TAS2R1: variants seen among roughly 807,000 people sequenced by gnomAD.
TAS2R1 encodes taste 2 receptor member 1.
For synonymous variants in TAS2R1, 141 were observed against 134.2 expected (o/e 1.05, Z -0.35); for missense variants, 370 against 353.4 (o/e 1.05, Z -0.38).
the TAS2R1 span, among the ~76,000 whole-genome samples, chr5:9,827,255 A>G: frequency 6.6e-6 from 1 of 151,148 alleles, no homozygotes; most frequent in Admixed American, 6.6e-5. Flanking sequence ...TTTCTTACCC[A>G]CCTCCAGGGC....
chr5:9,742,963 C>T, the TAS2R1 span, among the ~76,000 whole-genome samples: 4 of 151,982 alleles, frequency 2.6e-5, no homozygotes, highest in Admixed American at 2.6e-4. Context: ...CAACTTTAAG[C>T]ATGATGAATA....
chr5:9,892,371 C>G, the TAS2R1 span, among the ~76,000 whole-genome samples: 123 of 152,304 alleles, frequency 8.1e-4, no homozygotes, highest in African/African-American at 2.9e-3. Flanking sequence ...ACTCTTGCCC[C>G]CAAAAGTTCC....
At chr5:9,640,497 T>A (rs1023129656) in intron 2 of TAS2R1, among the ~76,000 whole-genome samples, 1 of 59,032 alleles carries the variant, frequency 1.7e-5, no homozygotes, top group Non-Finnish European at 2.9e-5. Flanking sequence ...TTCAATTCCT[T>A]AAAAAAAAAA....
At chr5:9,878,498 A>G in the TAS2R1 span, among the ~76,000 whole-genome samples, 7 of 152,232 alleles carry the variant, frequency 4.6e-5, no homozygotes, top group African/African-American at 1.2e-4. Flanking sequence ...GAAGTGAACC[A>G]CGAACGCTTG....
the TAS2R1 span, among the ~76,000 whole-genome samples, chr5:9,880,440 C>T: frequency 6.6e-6 from 1 of 152,322 alleles, no homozygotes; most frequent in East Asian, 1.9e-4. Context: ...CTAAGATTAA[C>T]AACTGCACTG....
At chr5:9,743,303 C>T in the TAS2R1 span, among the ~76,000 whole-genome samples, 19 of 146,008 alleles carry the variant, frequency 1.3e-4, no homozygotes, top group African/African-American at 4.7e-4. Context: ...TTGAGCAGTG[C>T]TATTCTTTTT....
the TAS2R1 span, among the ~76,000 whole-genome samples, chr5:9,732,537 G>A: frequency 1.3e-5 from 2 of 152,202 alleles, no homozygotes; most frequent in Non-Finnish European, 2.9e-5. Context: ...CAGAGGCATA[G>A]ACAGGAGGCC....
At chr5:9,664,445 C>T (rs888933962) in intron 1 of TAS2R1, among the ~76,000 whole-genome samples, 8 of 152,176 alleles carry the variant, frequency 5.3e-5, no homozygotes, top group Admixed American at 2.0e-4. Context: ...CACAGTCCCT[C>T]CCCTTCCAGG....
upstream of TAS2R1, among the ~76,000 whole-genome samples, chr5:9,633,294 T>TATTATATATATATATATATATATATA (rs1476544403): frequency 1.9e-4 from 13 of 67,812 alleles, no homozygotes; most frequent in African/African-American, 7.8e-4. Flanking sequence ...TGTGTGTATA[T>TATTATATATATATATATATATATATA]TATATATATA....
intron 1 of TAS2R1, among the ~76,000 whole-genome samples, chr5:9,694,862 AATTTTT>A (rs1741326745): frequency 1.3e-5 from 2 of 152,164 alleles, no homozygotes; most frequent in Admixed American, 1.3e-4. Flanking sequence ...CCAGTGTTTT[AATTTTT>A]ATCATTTTAT....
the TAS2R1 span, among the ~76,000 whole-genome samples, chr5:9,825,922 C>T: frequency 1.3e-5 from 2 of 152,150 alleles, no homozygotes; most frequent in South Asian, 4.1e-4. Context: ...AAATAAGTCA[C>T]TGCTCCAAGG....
At chr5:9,899,937 T>A in the TAS2R1 span, among the ~76,000 whole-genome samples, 3 of 152,172 alleles carry the variant, frequency 2.0e-5, no homozygotes, top group Non-Finnish European at 4.4e-5. Context: ...TGTTCCCAGT[T>A]TTTTTCTATT....
In TAS2R1 at chr5:9,677,981, T is replaced by C. The variant is rs1740908101; in HGVS notation, c.-241-18400A>G. Among the ~76,000 whole-genome samples, 3 of 152,126 alleles carry C rather than the reference T, an allele frequency of 2.0e-5. No homozygotes were observed. The South Asian group carries it at 6.2e-4, about 32-fold the overall frequency. On this transcript the variant is annotated intron_variant, in intron 1 of 2. Coordinates refer to the TAS2R1 transcript ENST00000506620. Reference sequence around the variant, plus strand: ...AAATGGGCAGCTGAGGTGGGAAGATTGCTTGAGCCCAGGAGTTCAAAGCTG... The same window carrying C: ...AAATGGGCAGCTGAGGTGGGAAGATCGCTTGAGCCCAGGAGTTCAAAGCTG...
chr5:9,752,893 G>A, the TAS2R1 span, among the ~76,000 whole-genome samples: 1 of 152,108 alleles, frequency 6.6e-6, no homozygotes, highest in African/African-American at 2.4e-5. Flanking sequence ...CTTTTTCATG[G>A]CTGCATAGTA....
intron 2 of TAS2R1, among the ~76,000 whole-genome samples, chr5:9,651,302 G>A (rs1432270983): frequency 3.9e-5 from 6 of 152,150 alleles, no homozygotes; most frequent in Non-Finnish European, 8.8e-5. Context: ...TCTGTGCAGT[G>A]ACTTATGTTT....
chr5:9,725,719 C>T, the TAS2R1 span, among the ~76,000 whole-genome samples: 20 of 141,438 alleles, frequency 1.4e-4, no homozygotes, highest in African/African-American at 4.4e-4. Context: ...TGCAGGCACA[C>T]GGCACGGGAC....
the TAS2R1 span, among the ~76,000 whole-genome samples, chr5:9,806,375 C>A: frequency 6.6e-6 from 1 of 152,030 alleles, no homozygotes; most frequent in Non-Finnish European, 1.5e-5. Flanking sequence ...CACCATCATT[C>A]TTCACAGAAC....
At chr5:9,685,546 C>T (rs1238445265) in intron 1 of TAS2R1, among the ~76,000 whole-genome samples, 1 of 151,936 alleles carries the variant, frequency 6.6e-6, no homozygotes, top group Non-Finnish European at 1.5e-5. Flanking sequence ...TGCACTAGAA[C>T]CACAGCCCAC....
chr5:9,807,336 G>C, the TAS2R1 span, among the ~76,000 whole-genome samples: 1 of 152,084 alleles, frequency 6.6e-6, no homozygotes, highest in Non-Finnish European at 1.5e-5. Context: ...CTATGGAAAA[G>C]TGTGGACATT....
Sources: allele counts gnomAD v4.1 joint callset (sites outside exome capture counted in the v4.1 genomes callset), GRCh38; gene constraint gnomAD v4.1.1; transcripts MANE v1.5; gene names NCBI Gene and HGNC (gene_info 2026-07-23, HGNC 2026-07-21).